DLG2: variants seen among roughly 807,000 people sequenced by gnomAD.
DLG2 encodes the protein discs large MAGUK scaffold protein 2.
Under a neutral mutation model 132.5 loss-of-function variants are expected in DLG2, and 45 were observed. That is an observed-to-expected ratio of 0.34 (90% CI 0.27 to 0.44). DLG2 has a LOEUF of 0.44. Among genes scored for constraint, DLG2 ranks in the 20% least tolerant of loss-of-function variants. The probability of loss-of-function intolerance (pLI) is 1.00; values close to 1 mark genes in which losing one functional copy is unlikely to be tolerated. For missense variants in DLG2, 1,045 were observed against 1,196.9 expected, an observed-to-expected ratio of 0.87 and a Z score of 1.87; for synonymous variants, 424 against 419.6, an observed-to-expected ratio of 1.01 and a Z score of -0.13.
chr11:84,643,014 A>G (rs2099669868), intron 6 of DLG2, among the ~76,000 whole-genome samples: 1 of 152,174 alleles, frequency 6.6e-6, no homozygotes, highest in African/African-American at 2.4e-5. Flanking sequence ...TGGTGATTAA[A>G]GAGATATCTT....
chr11:85,155,290 G>C (rs138600394), intron 4 of DLG2, among the ~76,000 whole-genome samples: 1 of 152,284 alleles, frequency 6.6e-6, no homozygotes, highest in Non-Finnish European at 1.5e-5. Context: ...AGAAGATGTT[G>C]ATAGTCTACT....
chr11:83,480,758 T>C (rs2093038111), intron 22 of DLG2: 3 of 749,656 alleles, frequency 4.0e-6, no homozygotes, highest in Admixed American at 5.1e-5. Flanking sequence ...CTAGTATGTC[T>C]TGACTGAGTG....
chr11:84,041,775 C>A (rs2096088437), intron 11 of DLG2, among the ~76,000 whole-genome samples: 1 of 151,782 alleles, frequency 6.6e-6, no homozygotes, highest in Non-Finnish European at 1.5e-5. Context: ...TTGGCTATGT[C>A]CCCACCCAAA....
chr11:85,503,250 G>A (rs1264094679), intron 3 of DLG2, among the ~76,000 whole-genome samples: 2 of 152,024 alleles, frequency 1.3e-5, no homozygotes, highest in Non-Finnish European at 2.9e-5. Context: ...TTAAAAGACT[G>A]AAGGAAAATA....
chr11:84,611,325 T>C (rs1259091545), intron 6 of DLG2, among the ~76,000 whole-genome samples: 2 of 152,118 alleles, frequency 1.3e-5, no homozygotes, highest in Non-Finnish European at 1.5e-5. Context: ...AGTTTCTACA[T>C]TGACAGTAGA....
chr11:83,996,138 T>G (rs1032621001), intron 11 of DLG2, among the ~76,000 whole-genome samples: 12 of 151,876 alleles, frequency 7.9e-5, no homozygotes, highest in Admixed American at 3.3e-4. Context: ...AAAAAAACAA[T>G]AATATGATAA....
intron 15 of DLG2, among the ~76,000 whole-genome samples, chr11:83,898,804 T>C (rs187355543): frequency 1.5e-4 from 23 of 152,346 alleles, no homozygotes; most frequent in African/African-American, 5.5e-4. Flanking sequence ...TATAGACTAA[T>C]AACAAGGTCC....
intron 11 of DLG2, among the ~76,000 whole-genome samples, chr11:83,992,917 T>C (rs2093804054): frequency 6.6e-6 from 1 of 152,100 alleles, no homozygotes; most frequent in South Asian, 2.1e-4. Flanking sequence ...CACAGATGTG[T>C]TGGAATAGCT....
At chr11:84,907,393 G>A (rs2154075179) in intron 6 of DLG2, among the ~76,000 whole-genome samples, 1 of 152,080 alleles carries the variant, frequency 6.6e-6, no homozygotes. Context: ...AATAGAATAG[G>A]AAGATTCAGG....
At chr11:84,664,821 G>A (rs2099698236) in intron 6 of DLG2, among the ~76,000 whole-genome samples, 1 of 152,118 alleles carries the variant, frequency 6.6e-6, no homozygotes, top group Admixed American at 6.6e-5. Context: ...TCTGATGATT[G>A]TGGTAGATTG....
At chr11:85,248,982 T>C (rs1287268518) in intron 4 of DLG2, among the ~76,000 whole-genome samples, 3 of 152,066 alleles carry the variant, frequency 2.0e-5, no homozygotes, top group African/African-American at 7.2e-5. Context: ...ATCAACTCAA[T>C]GAAATATAAT....
intron 16 of DLG2, among the ~76,000 whole-genome samples, chr11:83,859,846 G>T (rs1175553867): frequency 6.6e-6 from 1 of 152,114 alleles, no homozygotes; most frequent in Non-Finnish European, 1.5e-5. Flanking sequence ...CAGGCCCAGG[G>T]TCCCTCTTCC....
intron 6 of DLG2, among the ~76,000 whole-genome samples, chr11:84,964,829 G>C (rs1198917819): frequency 6.6e-6 from 1 of 152,000 alleles, no homozygotes; most frequent in Non-Finnish European, 1.5e-5. Context: ...TTAATGTAGA[G>C]ATAGACATTT....
At chr11:83,559,385 G>C (rs987725322) in intron 19 of DLG2, among the ~76,000 whole-genome samples, 4 of 152,156 alleles carry the variant, frequency 2.6e-5, no homozygotes, top group African/African-American at 9.7e-5. Context: ...TGTATCAACA[G>C]CCTTCAGGTA....
intron 21 of DLG2, among the ~76,000 whole-genome samples, chr11:83,496,452 C>T (rs2094153896): frequency 6.6e-6 from 1 of 152,054 alleles, no homozygotes; most frequent in Admixed American, 6.6e-5. Flanking sequence ...CTTAGAAATT[C>T]ACTCCTAGAA....
At chr11:83,753,150 T>G (rs2093407656) in intron 18 of DLG2, among the ~76,000 whole-genome samples, 1 of 152,144 alleles carries the variant, frequency 6.6e-6, no homozygotes, top group Non-Finnish European at 1.5e-5. Context: ...TGGCCGGGCG[T>G]GGTGGCTCAC....
intron 3 of DLG2, among the ~76,000 whole-genome samples, chr11:85,596,450 T>C (rs1369585312): frequency 2.0e-5 from 3 of 152,178 alleles, no homozygotes; most frequent in African/African-American, 7.2e-5. Context: ...AGGGACTGGC[T>C]TCCTTGTCAC....
At chr11:84,810,902 C>T (rs1258639209) in intron 6 of DLG2, among the ~76,000 whole-genome samples, 1 of 152,056 alleles carries the variant, frequency 6.6e-6, no homozygotes, top group Non-Finnish European at 1.5e-5. Flanking sequence ...GAGAACAGAT[C>T]AGTGGTTCCC....
At chr11:85,291,964 C>T (rs956013652) in intron 3 of DLG2, among the ~76,000 whole-genome samples, 2 of 152,124 alleles carry the variant, frequency 1.3e-5, no homozygotes, top group Non-Finnish European at 2.9e-5. Flanking sequence ...CTCCAACATA[C>T]CTTGTTCTCT....
Sources: gnomAD v4.1 joint callset for allele counts (sites outside exome capture counted in the v4.1 genomes callset) on GRCh38, gnomAD v4.1.1 for gene constraint, MANE v1.5 for transcripts, NCBI Gene and HGNC (gene_info 2026-07-23, HGNC 2026-07-21) for gene names.